Variants in NOS1 observed in about 807,000 individuals in gnomAD.
NOS1 encodes nitric oxide synthase 1.
In NOS1, 51 loss-of-function variants were observed where a neutral mutation model predicts 164.5. The observed-to-expected ratio is 0.31, with a 90% CI of 0.25 to 0.39. NOS1 has a LOEUF of 0.39. Among genes scored for constraint, NOS1 ranks in the 10% least tolerant of loss-of-function variants. The probability of loss-of-function intolerance (pLI) is 1.00; values close to 1 mark genes in which losing one functional copy is unlikely to be tolerated. For synonymous variants in NOS1, 719 were observed against 745.8 expected, an observed-to-expected ratio of 0.96 and a Z score of 0.59; for missense variants, 1,362 against 1,885.6, an observed-to-expected ratio of 0.72 and a Z score of 5.14.
chr12:117,340,270 CAG>C (rs1876034552), intron 1 of NOS1, among the ~76,000 whole-genome samples: 1 of 152,158 alleles, frequency 6.6e-6, no homozygotes, highest in Non-Finnish European at 1.5e-5. Flanking sequence ...TCCCAAAGTG[CAG>C]AGTTTATAAG....
chr12:117,246,659 C>A (rs1401255966), intron 18 of NOS1, among the ~76,000 whole-genome samples: 1 of 152,144 alleles, frequency 6.6e-6, no homozygotes, highest in East Asian at 1.9e-4. Context: ...CCCTAGCAAC[C>A]ACTAACCTGC....
rs1046464135 is a variant in NOS1, at chr12:117,208,450, C to T, written c.*6859G>A. 1.6e-6 allele frequency: 2 copies of T among 1,247,446 alleles called. No individual in the cohort carries two copies. The highest frequency in any genetic ancestry group is 2.1e-6 in the Non-Finnish European group (2 of 967,270). The allele number at this position is 1,247,446 out of a possible 1,614,324, so 77.3% of individuals were successfully genotyped here. A position where few individuals can be genotyped will look rare whatever the true frequency, so the allele number is the denominator to read the frequency against. On this transcript the variant is annotated 3_prime_UTR_variant, in exon 29 of 29. Transcript: ENST00000317775. ...GAGATGCGACCAGGTCTGCCCACCT[C>T]CCCAGCTTCCCAAGCCCGGAACGGA...
At chr12:117,314,689 C>T (rs1874594614) in intron 2 of NOS1, among the ~76,000 whole-genome samples, 1 of 152,070 alleles carries the variant, frequency 6.6e-6, no homozygotes, top group African/African-American at 2.4e-5. Flanking sequence ...TCACTGCAAC[C>T]TCTGCCTCCC....
intron 3 of NOS1, among the ~76,000 whole-genome samples, chr12:117,291,293 T>C (rs540977287): frequency 2.1e-4 from 32 of 152,316 alleles, no homozygotes; most frequent in Admixed American, 2.0e-3. Context: ...TTCTGGTTTC[T>C]GATTTTTAAA....
At chr12:117,262,897 C>T (rs1872054876) in intron 13 of NOS1, among the ~76,000 whole-genome samples, 1 of 152,228 alleles carries the variant, frequency 6.6e-6, no homozygotes, top group East Asian at 1.9e-4. Flanking sequence ...CAGGCCATAA[C>T]CCCCTTCCTT....
In NOS1 at chr12:117,259,136, T is replaced by C; in HGVS notation, c.2368-6A>G. On this transcript the variant is annotated splice_region_variant and splice_polypyrimidine_tract_variant and intron_variant, in intron 14 of 28. Transcript: ENST00000317775. ...TATTCTTCCATGGACATCACCTAGG[T>C]GGGCAGGGCACAGGTATAGGATGGG... is the stretch of plus-strand genomic sequence containing the variant. 1 of 1,600,952 alleles carries C rather than the reference T, an allele frequency of 6.2e-7. No homozygotes were observed. Among genetic ancestry groups the C allele is most frequent in the Non-Finnish European group, 8.6e-7 (1 of 1,168,248 alleles).
intron 1 of NOS1, among the ~76,000 whole-genome samples, chr12:117,352,146 C>T (rs2136094659): frequency 6.6e-6 from 1 of 152,196 alleles, no homozygotes. Context: ...GCACTCCAGC[C>T]TGGGTGACAG....
chr12:117,247,487 G>A lies in NOS1; in HGVS notation c.2684C>T (p.Pro895Leu). Residue 895 changes from proline (P) to leucine (L), a missense_variant, in exon 18 of 29, where the codon CCT becomes CTT. Pro to Leu is a moderately conservative substitution (Grantham distance 98). Transcript: ENST00000317775. ...SVFGLGSRAYPHFCAFGHAVD... is the reference protein window; with the variant it reads ...SVFGLGSRAYLHFCAFGHAVD... ...AGCGTGTCCGAAGGCGCAAAAGTGA[G>A]GGTATGCTCGTGAGCCGAGGCCAAA... 6.2e-7 allele frequency: 1 copy of A among 1,612,262 alleles called. No individual in the cohort carries two copies. The highest frequency in any genetic ancestry group is 8.5e-7 in the Non-Finnish European group (1 of 1,179,362).
Position 117,330,379 on chromosome 12 carries a change from C to T in NOS1, c.691G>A (p.Ala231Thr), listed in dbSNP as rs1875474395. 2 of 1,613,626 alleles carry T rather than the reference C, an allele frequency of 1.2e-6. No individual in the cohort carries two copies. The highest frequency in any genetic ancestry group is 1.6e-4 in the Middle Eastern group (1 of 6,082). Residue 231 changes from alanine to threonine, a missense_variant, in exon 2 of 29, where the codon GCA becomes ACA. Ala to Thr is a moderately conservative substitution (Grantham distance 58, BLOSUM62 0). Coordinates refer to ENST00000317775, the MANE Select transcript of NOS1 (RefSeq NM_000620.5). The surrounding 1 kb of genome is among the most constrained non-coding windows in gnomAD (Gnocchi z 4.6). ...RGVKGGAPAK[A>T]EMKDMGIQVD... The stretch of plus-strand genomic sequence containing the variant: ...TGGATTCCCATATCTTTCATCTCTG[C>T]CTTGGCAGGTGCCCCTCCCTTGACC...
intron 22 of NOS1, among the ~76,000 whole-genome samples, chr12:117,230,357 A>G (rs1869107296): frequency 6.6e-6 from 1 of 152,278 alleles, no homozygotes. Flanking sequence ...AAAAAGTTAA[A>G]TAACTTTGTA....
intron 3 of NOS1, among the ~76,000 whole-genome samples, chr12:117,304,688 T>C (rs1409262962): frequency 1.3e-5 from 2 of 152,166 alleles, no homozygotes; most frequent in Non-Finnish European, 2.9e-5. Context: ...ACGCACTCTG[T>C]GACTGGGGAC....
At chr12:117,287,107 C>G (rs750723724) in intron 5 of NOS1, among the ~76,000 whole-genome samples, 5 of 152,012 alleles carry the variant, frequency 3.3e-5, no homozygotes, top group Non-Finnish European at 4.4e-5. Flanking sequence ...CCCAGCTACT[C>G]AGGAGGCTGA....
intron 3 of NOS1, among the ~76,000 whole-genome samples, chr12:117,311,208 G>A (rs955408106): frequency 2.7e-5 from 4 of 150,096 alleles, no homozygotes; most frequent in Non-Finnish European, 5.9e-5. Flanking sequence ...TCATGTGAAT[G>A]CCTTTCCCAG....
chr12:117,324,121 C>T (rs1460440689), intron 2 of NOS1, among the ~76,000 whole-genome samples: 1 of 152,074 alleles, frequency 6.6e-6, no homozygotes, highest in Non-Finnish European at 1.5e-5. Context: ...TAGGTAGAAC[C>T]AGGAGAGCAT....
In NOS1 at chr12:117,323,507, A is replaced by AG. The variant is rs1475651085; in HGVS notation, c.725+6837dup. Among the ~76,000 whole-genome samples, 53 of 152,216 alleles carry AG rather than the reference A, an allele frequency of 3.5e-4. 1 individual carries two copies. On this transcript the variant is annotated intron_variant, in intron 2 of 28. Coordinates refer to ENST00000317775, the MANE Select transcript of NOS1 (RefSeq NM_000620.5). ...CTTGCTAGCTGTGTGATCTGGGACA[A>AG]GTGACCATACCTCTCTGAGCCCTGG... is the stretch of plus-strand genomic sequence containing the variant.
At chr12:117,254,934 T>C (rs531076395) in intron 16 of NOS1, among the ~76,000 whole-genome samples, 1 of 152,330 alleles carries the variant, frequency 6.6e-6, no homozygotes, top group East Asian at 1.9e-4. Flanking sequence ...CAAGTAAATA[T>C]GAACAATGTT....
chr12:117,293,321 C>A (rs572264292), intron 3 of NOS1, among the ~76,000 whole-genome samples: 1 of 152,260 alleles, frequency 6.6e-6, no homozygotes, highest in South Asian at 2.1e-4. Flanking sequence ...CAGTGCCGGG[C>A]GCTACCAACC....
chr12:117,216,473 C>T (rs1254053379), intron 28 of NOS1, among the ~76,000 whole-genome samples: 1 of 151,846 alleles, frequency 6.6e-6, no homozygotes, highest in African/African-American at 2.4e-5. Flanking sequence ...TGAGCCATCG[C>T]GCCCGGCCTT....
chr12:117,327,825 G>C (rs1207517020), intron 2 of NOS1, among the ~76,000 whole-genome samples: 1 of 152,170 alleles, frequency 6.6e-6, no homozygotes, highest in Non-Finnish European at 1.5e-5. Flanking sequence ...GGGGCTTAAA[G>C]GGAGGCCAGT....
Sources: allele counts gnomAD v4.1 joint callset (sites outside exome capture counted in the v4.1 genomes callset), GRCh38; gene constraint gnomAD v4.1.1; non-coding constraint Gnocchi (gnomAD v3.1); transcripts MANE v1.5; gene names NCBI Gene and HGNC (gene_info 2026-07-23, HGNC 2026-07-21).